The following RGMA variants were observed in gnomAD, a reference collection of about 807,000 sequenced individuals.
RGMA encodes repulsive guidance molecule BMP co-receptor a, also known as repulsive guidance molecule A.
A neutral mutation model predicts 23.2 loss-of-function variants in RGMA; 10 were observed. The observed-to-expected ratio is 0.43, with a 90% CI of 0.27 to 0.73. The LOEUF is 0.73. Ranked by LOEUF, RGMA falls within the 30% of genes least tolerant of loss-of-function variation. RGMA has a pLI of 0.20. For missense variants in RGMA, 547 were observed against 630.5 expected (o/e 0.87, Z 1.42); for synonymous variants, 308 against 279.3 (o/e 1.10, Z -1.03).
At chr15:93,084,663 G>A (rs957843954) in intron 1 of RGMA, among the ~76,000 whole-genome samples, 6 of 152,168 alleles carry the variant, frequency 3.9e-5, no homozygotes, top group African/African-American at 1.4e-4. Context: ...AGTAGAGACG[G>A]CGTTTCACCA....
chr15:93,089,026 A>AGGGGCTCCGCTGGCGC lies in RGMA; in HGVS notation c.-110_-95dup, dbSNP rs2141853589. On this transcript the variant is annotated 5_prime_UTR_variant, in exon 1 of 4. Transcript: ENST00000329082. ...CTCGTCTGCCCCGGGGCAAGGTGGG[A>AGGGGCTCCGCTGGCGC]GGGGCTCCGCTGGCGCTGGTCCCCG... 1.3e-6 allele frequency: 1 copy of AGGGGCTCCGCTGGCGC among 753,170 alleles called. No homozygotes were observed. Among genetic ancestry groups the AGGGGCTCCGCTGGCGC allele is most frequent in the East Asian group, 3.5e-5 (1 of 28,426 alleles). 46.7% of individuals were successfully genotyped at this position (753,170 alleles called of 1,614,324 possible). A position where few individuals can be genotyped will look rare whatever the true frequency, so the allele number is the denominator to read the frequency against.
In RGMA at chr15:93,053,397, G is replaced by C. The variant is rs549000409; in HGVS notation, c.131-890C>G. Among the ~76,000 whole-genome samples the C allele has an allele frequency of 3.1e-3, 476 of 152,286 alleles. 1 individual carries two copies. Among genetic ancestry groups the C allele is most frequent in the Non-Finnish European group, 5.6e-3 (378 of 68,030 alleles). Reference sequence around the variant, plus strand: ...CAGCAGGACAGAAGTTCCTACATGGGTTCCAGGAGAAAGGGGCCAGGACAC... The same window carrying C: ...CAGCAGGACAGAAGTTCCTACATGGCTTCCAGGAGAAAGGGGCCAGGACAC... On this transcript the variant is annotated intron_variant, in intron 2 of 3. Transcript: ENST00000329082.
At chr15:93,054,114 C>T (rs2054973173) in intron 2 of RGMA, among the ~76,000 whole-genome samples, 1 of 151,378 alleles carries the variant, frequency 6.6e-6, no homozygotes, top group Non-Finnish European at 1.5e-5. Context: ...CCTGTAATCC[C>T]AGCTACTCGG....
intron 1 of RGMA, among the ~76,000 whole-genome samples, chr15:93,077,000 G>A (rs766560690): frequency 5.9e-5 from 9 of 152,222 alleles, no homozygotes; most frequent in Non-Finnish European, 1.3e-4. Context: ...GGGGAAAGAA[G>A]CTTTCCCAGT....
chr15:93,069,329 C>T (rs138133654), intron 2 of RGMA, among the ~76,000 whole-genome samples: 9 of 152,276 alleles, frequency 5.9e-5, no homozygotes, highest in African/African-American at 1.7e-4. Context: ...AGGCTGGTCT[C>T]GAACTCCTGG....
chr15:93,058,269 G>A (rs1317380418), intron 2 of RGMA, among the ~76,000 whole-genome samples: 14 of 152,188 alleles, frequency 9.2e-5, no homozygotes, highest in African/African-American at 2.7e-4. Flanking sequence ...TCACCGCAGC[G>A]GTGGACCTTA....
At chr15:93,069,966 A>G (rs1301765865) in intron 2 of RGMA, among the ~76,000 whole-genome samples, 1 of 152,226 alleles carries the variant, frequency 6.6e-6, no homozygotes, top group Non-Finnish European at 1.5e-5. Flanking sequence ...CCATTTGTGG[A>G]ATGCTCTTTT....
chr15:93,047,229 G>A (rs1302389147), intron 3 of RGMA, among the ~76,000 whole-genome samples: 2 of 152,144 alleles, frequency 1.3e-5, no homozygotes, highest in South Asian at 2.1e-4. Context: ...CCTGGGTGGC[G>A]TCTGGCTGTT....
In RGMA at chr15:93,045,081, C is replaced by T. The variant is rs1466511495; in HGVS notation, c.1270G>A (p.Ala424Thr). 1.3e-6 allele frequency: 2 copies of T among 1,574,768 alleles called. No homozygotes were observed. The highest frequency in any genetic ancestry group is 1.7e-6 in the Non-Finnish European group (2 of 1,160,618). Residue 424 changes from alanine to threonine, a missense_variant, in exon 4 of 4, where the codon GCG becomes ACG. Physicochemically the swap from Ala to Thr is moderately conservative, Grantham distance 58. This residue lies in a region of RGMA where 205 missense variants were observed against 204.1 expected (regional missense o/e 1.00). Coordinates refer to ENST00000329082, the MANE Select transcript of RGMA (RefSeq NM_020211.3). This position sits in a 1 kb window ranked among gnomAD's most constrained non-coding sequence, Gnocchi z 6.9. The stretch of plus-strand genomic sequence containing the variant: ...GGGGCCAGGGGCAGCCCCGCAGCCG[C>T]CCTGCCTGGCAGGTCCCGAGTCCTC... ...YERTRDLPGRAAAGLPLAPRP... is the reference protein window; with the variant it reads ...YERTRDLPGRTAAGLPLAPRP...
At chr15:93,087,804 G>A (rs961996704) in intron 1 of RGMA, among the ~76,000 whole-genome samples, 5 of 152,160 alleles carry the variant, frequency 3.3e-5, no homozygotes, top group Non-Finnish European at 4.4e-5. Flanking sequence ...GTGACAGCAT[G>A]CCACTCAACA....
chr15:93,048,208 G>A (rs925651500), intron 3 of RGMA, among the ~76,000 whole-genome samples: 1 of 152,180 alleles, frequency 6.6e-6, no homozygotes, highest in Non-Finnish European at 1.5e-5. Context: ...ATTGGCATAA[G>A]ATTTCGGGAT....
At chr15:93,053,886 C>CT (rs1042708391) in intron 2 of RGMA, among the ~76,000 whole-genome samples, 8 of 152,282 alleles carry the variant, frequency 5.3e-5, no homozygotes, top group South Asian at 2.1e-4. Flanking sequence ...TAAGTGAACA[C>CT]TTTGTCTTTT....
In RGMA at chr15:93,041,492, A is replaced by G. The variant is rs922490543; in HGVS notation, c.*3506T>C. The G allele has an allele frequency of 6.6e-6, 1 of 152,244 alleles. No individual in the cohort carries two copies. The highest frequency in any genetic ancestry group is 1.5e-5 in the Non-Finnish European group (1 of 68,050). The allele number at this position is 152,244 out of a possible 1,614,324, so 9.4% of individuals were successfully genotyped here. A position where few individuals can be genotyped will look rare whatever the true frequency, so the allele number is the denominator to read the frequency against. ...GTGAGGGCAACCAGTAGTAAGTAGCATGGCACTTGGGAAAGAATTCCAGCC... is the reference window on the plus strand; with the variant it reads ...GTGAGGGCAACCAGTAGTAAGTAGCGTGGCACTTGGGAAAGAATTCCAGCC... On this transcript the variant is annotated 3_prime_UTR_variant, in exon 4 of 4. Transcript: ENST00000329082.
At chr15:93,077,259 G>C (rs1895487309) in intron 1 of RGMA, among the ~76,000 whole-genome samples, 1 of 152,238 alleles carries the variant, frequency 6.6e-6, no homozygotes, top group South Asian at 2.1e-4. Context: ...TCTTTTGGGA[G>C]ACCACTGTGG....
Position 93,043,515 on chromosome 15 carries a change from CA to C in RGMA, c.*1482del, listed in dbSNP as rs2054757881. 6.6e-6 allele frequency: 1 copy of C among 152,524 alleles called. No individual in the cohort carries two copies. Among genetic ancestry groups the C allele is most frequent in the South Asian group, 2.1e-4 (1 of 4,834 alleles). 9.4% of individuals were successfully genotyped at this position (152,524 alleles called of 1,614,324 possible). A position where few individuals can be genotyped will look rare whatever the true frequency, so the allele number is the denominator to read the frequency against. ...CACACAGGTCGCAGACACGTGGACG[CA>C]GTGAGGGGTCCCCACTTCCAAGCAG... On this transcript the variant is annotated 3_prime_UTR_variant, in exon 4 of 4. Coordinates refer to ENST00000329082, the MANE Select transcript of RGMA (RefSeq NM_020211.3).
At position 93,052,146 on chromosome 15, in the gene RGMA, G is replaced by A; in HGVS notation, c.492C>T (p.Gly164=). 1 of 1,613,950 alleles carries A rather than the reference G, an allele frequency of 6.2e-7. No individual in the cohort carries two copies. The highest frequency in any genetic ancestry group is 8.5e-7 in the Non-Finnish European group (1 of 1,179,886). Reference sequence around the variant, plus strand: ...TCCTGAGGTGTGGGTCCCCGAAGAGGCCACAGTGCGTGTAGTTGGGGGTGG... The same window carrying A: ...TCCTGAGGTGTGGGTCCCCGAAGAGACCACAGTGCGTGTAGTTGGGGGTGG... ...HSATPNYTHC[G]LFGDPHLRTF... The change falls in exon 3 of 4, where the codon GGC becomes GGT. Residue 164 remains glycine, a synonymous_variant. Transcript: ENST00000329082.
intron 3 of RGMA, among the ~76,000 whole-genome samples, chr15:93,051,207 G>A (rs1183302209): frequency 2.6e-5 from 4 of 152,226 alleles, no homozygotes; most frequent in Admixed American, 6.5e-5. Flanking sequence ...AGGTCACCTC[G>A]CTGTCCTCCT....
intron 1 of RGMA, among the ~76,000 whole-genome samples, chr15:93,074,994 C>G (rs1251129010): frequency 6.6e-6 from 1 of 152,126 alleles, no homozygotes; most frequent in Non-Finnish European, 1.5e-5. Context: ...GGTTGGAGAC[C>G]AGGGCTCAGG....
intron 2 of RGMA, among the ~76,000 whole-genome samples, chr15:93,061,763 G>A (rs936982618): frequency 6.6e-6 from 1 of 152,200 alleles, no homozygotes. Context: ...ATGCACCAAT[G>A]AAGCACTAGC....
Sources: allele counts gnomAD v4.1 joint callset (sites outside exome capture counted in the v4.1 genomes callset), GRCh38; gene constraint gnomAD v4.1.1; regional missense constraint gnomAD v4.1.1; non-coding constraint Gnocchi (gnomAD v3.1); transcripts MANE v1.5; gene names NCBI Gene and HGNC (gene_info 2026-07-23, HGNC 2026-07-21).